CNTN5: variants seen among roughly 807,000 people sequenced by gnomAD.
The protein encoded by CNTN5 is contactin-5.
CNTN5 carries 77 observed loss-of-function variants against 129.1 expected under a neutral mutation model. That is an observed-to-expected ratio of 0.60 (90% CI 0.50 to 0.72). The LOEUF (loss-of-function observed/expected upper bound fraction) is 0.72, where lower values mean the gene tolerates loss of function less well. CNTN5 is among the 30% of genes least tolerant of loss of function. The pLI, the probability that CNTN5 is intolerant of heterozygous loss-of-function variation, is 0.00. For missense variants in CNTN5, 1,478 were observed against 1,328.8 expected (o/e 1.11, Z -1.75); for synonymous variants, 509 against 465.6 (o/e 1.09, Z -1.20).
Position 99,152,384 on chromosome 11 carries a change from T to G in CNTN5, c.-210+131114T>G, listed in dbSNP as rs1451407804. On this transcript the variant is annotated intron_variant, in intron 1 of 24. Coordinates refer to ENST00000524871, the MANE Select transcript of CNTN5 (RefSeq NM_014361.4). ...TCCATTTAAATTTATAATATTCCATTACCATTATATAACACCCTTCTTTGT... is the reference window on the plus strand; with the variant it reads ...TCCATTTAAATTTATAATATTCCATGACCATTATATAACACCCTTCTTTGT... Among the ~76,000 whole-genome samples the G allele has an allele frequency of 3.3e-5, 5 of 152,248 alleles. No homozygotes were observed. The South Asian group carries it at 1.0e-3, about 32-fold the overall frequency.
At chr11:99,209,638 A>G (rs988612744) in intron 1 of CNTN5, among the ~76,000 whole-genome samples, 4 of 152,190 alleles carry the variant, frequency 2.6e-5, no homozygotes, top group African/African-American at 4.8e-5. Flanking sequence ...CATCAAAACC[A>G]TATCAACATA....
chr11:99,681,547 TTAAG>T (rs1338660468), intron 3 of CNTN5, among the ~76,000 whole-genome samples: 2 of 152,054 alleles, frequency 1.3e-5, no homozygotes, highest in African/African-American at 4.8e-5. Context: ...TATTTTTTAA[TTAAG>T]GTATTTACAT....
At position 100,350,783 on chromosome 11, in the gene CNTN5, G is replaced by T. The variant is rs199810679; in HGVS notation, c.3112G>T (p.Ala1038Ser). The change falls in exon 24 of 25, where the codon GCT (alanine) becomes TCT (serine). Residue 1038 changes from alanine (A) to serine (S), a missense_variant. Coordinates refer to ENST00000524871, the MANE Select transcript of CNTN5 (RefSeq NM_014361.4). ...KLQAVVPLPD[A>S]GVYIIEVRAY... is the part of the protein sequence containing the mutation. ...TCAAGCAGTAGTACCACTCCCAGAT[G>T]CTGGAGTCTATATTATTGAAGTTCG... 6.2e-7 allele frequency: 1 copy of T among 1,609,080 alleles called. No homozygotes were observed. The highest frequency in any genetic ancestry group is 1.3e-5 in the African/African-American group (1 of 74,784).
rs537336341 is a variant in CNTN5, at chr11:100,097,242, T to C, written c.1580+22948T>C. On this transcript the variant is annotated intron_variant, in intron 13 of 24. Transcript: ENST00000524871. ...AAGATGGAAGGAATATTAGATATCATTCAATCTAGCTTCCTCATTTTACAG... is the reference window on the plus strand; with the variant it reads ...AAGATGGAAGGAATATTAGATATCACTCAATCTAGCTTCCTCATTTTACAG... 5.9e-5 allele frequency among the ~76,000 whole-genome samples: 9 copies of C among 152,230 alleles called. No homozygotes were observed. The South Asian group carries it at 1.9e-3, about 32-fold the overall frequency.
At chr11:99,967,432 G>A (rs529941404) in intron 8 of CNTN5, among the ~76,000 whole-genome samples, 1 of 152,228 alleles carries the variant, frequency 6.6e-6, no homozygotes, top group East Asian at 1.9e-4. Context: ...TCCTTGTGTA[G>A]CTTCCAATCC....
intron 17 of CNTN5, among the ~76,000 whole-genome samples, chr11:100,258,337 G>A (rs758720107): frequency 6.6e-6 from 1 of 152,184 alleles, no homozygotes; most frequent in African/African-American, 2.4e-5. Flanking sequence ...GTGACAGGGA[G>A]ATGGGAACCA....
intron 6 of CNTN5, among the ~76,000 whole-genome samples, chr11:99,849,119 T>C (rs1947793255): frequency 6.6e-6 from 1 of 151,956 alleles, no homozygotes; most frequent in African/African-American, 2.4e-5. Context: ...AATAGGTATA[T>C]ACTTAATTGA....
At chr11:99,549,570 T>C (rs1477172303) in intron 2 of CNTN5, among the ~76,000 whole-genome samples, 1 of 152,154 alleles carries the variant, frequency 6.6e-6, no homozygotes, top group Non-Finnish European at 1.5e-5. Flanking sequence ...CCTAAGTAGT[T>C]CACTGAGGCA....
chr11:99,199,964 TCAA>T (rs1565397297), intron 1 of CNTN5, among the ~76,000 whole-genome samples: 2 of 141,658 alleles, frequency 1.4e-5, no homozygotes, highest in African/African-American at 2.7e-5. Context: ...TATATATCCA[TCAA>T]CATCATCATC....
At chr11:99,584,458 T>C (rs577767287) in intron 3 of CNTN5, among the ~76,000 whole-genome samples, 1 of 152,320 alleles carries the variant, frequency 6.6e-6, no homozygotes, top group Admixed American at 6.5e-5. Flanking sequence ...ATAATGTTAT[T>C]GGCCTGCTTT....
chr11:100,252,204 TTG>T (rs1317953746), intron 16 of CNTN5, among the ~76,000 whole-genome samples: 1 of 152,178 alleles, frequency 6.6e-6, no homozygotes, highest in African/African-American at 2.4e-5. Context: ...TTGTGGTCAT[TTG>T]TGTGTCTTCT....
At chr11:99,564,348 A>C (rs1948937765) in intron 3 of CNTN5, among the ~76,000 whole-genome samples, 1 of 152,104 alleles carries the variant, frequency 6.6e-6, no homozygotes, top group Non-Finnish European at 1.5e-5. Flanking sequence ...CAGGCCTCCT[A>C]AAGTGCTGGG....
intron 8 of CNTN5, among the ~76,000 whole-genome samples, chr11:99,957,214 A>G (rs1229031641): frequency 6.6e-6 from 1 of 152,192 alleles, no homozygotes; most frequent in Non-Finnish European, 1.5e-5. Flanking sequence ...TCCATGGTTG[A>G]GAAATATTCA....
intron 6 of CNTN5, among the ~76,000 whole-genome samples, chr11:99,869,486 C>T (rs570636380): frequency 6.6e-6 from 1 of 152,216 alleles, no homozygotes; most frequent in South Asian, 2.1e-4. Context: ...ACTGAGATTA[C>T]TTAAGAATTT....
chr11:100,121,760 G>A (rs1008093457), intron 13 of CNTN5, among the ~76,000 whole-genome samples: 1 of 151,886 alleles, frequency 6.6e-6, no homozygotes, highest in Non-Finnish European at 1.5e-5. Flanking sequence ...TTCTTTTCAT[G>A]GAGATTCCAT....
At chr11:100,043,924 G>A (rs1420127265) in intron 9 of CNTN5, among the ~76,000 whole-genome samples, 8 of 152,058 alleles carry the variant, frequency 5.3e-5, no homozygotes, top group Admixed American at 4.6e-4. Flanking sequence ...AGGGGTACAA[G>A]TGCAGTTTTG....
intron 13 of CNTN5, among the ~76,000 whole-genome samples, chr11:100,081,125 T>A (rs1944349576): frequency 6.6e-6 from 1 of 152,128 alleles, no homozygotes; most frequent in East Asian, 1.9e-4. Flanking sequence ...ACCTTCTTCA[T>A]CTTTTCCTTA....
chr11:99,059,944 A>T (rs551933312), intron 1 of CNTN5, among the ~76,000 whole-genome samples: 43 of 152,204 alleles, frequency 2.8e-4, no homozygotes, highest in African/African-American at 7.7e-4. Context: ...ATAAAACATG[A>T]TAGTAATCTC....
chr11:99,408,448 G>GAAAGAAAGAA (rs71305322), intron 2 of CNTN5, among the ~76,000 whole-genome samples: 31 of 78,114 alleles, frequency 4.0e-4, no homozygotes, highest in Non-Finnish European at 6.1e-4. Flanking sequence ...AAGAAAGAAA[G>GAAAGAAAGAA]AGAAAGAAAG....
Sources: gnomAD v4.1 joint callset for allele counts (sites outside exome capture counted in the v4.1 genomes callset) on GRCh38, gnomAD v4.1.1 for gene constraint, MANE v1.5 for transcripts, NCBI Gene and HGNC (gene_info 2026-07-23, HGNC 2026-07-21) for gene names.